SORCS1: variants seen among roughly 807,000 people sequenced by gnomAD.
SORCS1 encodes VPS10 domain-containing receptor SorCS1.
A neutral mutation model predicts 146.1 loss-of-function variants in SORCS1; 60 were observed. The ratio of observed to expected loss-of-function variants is 0.41; its 90% CI spans 0.33 to 0.51. The LOEUF is 0.51. Among genes scored for constraint, SORCS1 ranks in the 20% least tolerant of loss-of-function variants. The pLI is 0.21. For synonymous variants in SORCS1, 637 were observed against 584.0 expected (o/e 1.09, Z -1.31); for missense variants, 1,352 against 1,487.6 (o/e 0.91, Z 1.50).
chr10:106,764,551 CAG>C (rs948915364), intron 4 of SORCS1, among the ~76,000 whole-genome samples: 66 of 152,260 alleles, frequency 4.3e-4, no homozygotes, highest in African/African-American at 1.5e-3. Context: ...TTTTGACTGT[CAG>C]AACACGGAAC....
chr10:107,135,173 T>C (rs527934961), intron 1 of SORCS1, among the ~76,000 whole-genome samples: 1 of 152,324 alleles, frequency 6.6e-6, no homozygotes, highest in Non-Finnish European at 1.5e-5. Context: ...GTAAGATCAT[T>C]AGTTTCTTTT....
At chr10:107,119,044 T>C (rs1233883919) in intron 1 of SORCS1, among the ~76,000 whole-genome samples, 1 of 152,156 alleles carries the variant, frequency 6.6e-6, no homozygotes, top group Non-Finnish European at 1.5e-5. Flanking sequence ...CAGCATCAAC[T>C]AATCTATCCT....
chr10:107,150,075 T>A (rs1377340817), intron 1 of SORCS1, among the ~76,000 whole-genome samples: 1 of 152,222 alleles, frequency 6.6e-6, no homozygotes, highest in Non-Finnish European at 1.5e-5. Context: ...ATGGCTATTA[T>A]GCACTTATCA....
chr10:107,053,181 A>C (rs1159578569), intron 1 of SORCS1, among the ~76,000 whole-genome samples: 2 of 152,168 alleles, frequency 1.3e-5, no homozygotes, highest in Non-Finnish European at 2.9e-5. Context: ...GTCAAATTCT[A>C]TTTAAACTCT....
At chr10:106,781,143 C>T (rs753679046) in intron 3 of SORCS1, among the ~76,000 whole-genome samples, 14 of 152,056 alleles carry the variant, frequency 9.2e-5, no homozygotes, top group South Asian at 2.1e-4. Flanking sequence ...TCGTCTCCTG[C>T]GGGCCTTCTT....
At chr10:106,972,490 T>C (rs1329807701) in intron 1 of SORCS1, among the ~76,000 whole-genome samples, 1 of 152,014 alleles carries the variant, frequency 6.6e-6, no homozygotes, top group African/African-American at 2.4e-5. Context: ...ACATAATCTA[T>C]CCTTCTCAAC....
chr10:106,891,504 C>CTTTTTTTTTTTTTTTTTTTT lies in SORCS1; in HGVS notation c.627-61832_627-61831insAAAAAAAAAAAAAAAAAAAA, dbSNP rs760812204. 4.5e-4 allele frequency among the ~76,000 whole-genome samples: 44 copies of CTTTTTTTTTTTTTTTTTTTT among 97,228 alleles called. 2 individuals carry two copies. The highest frequency in any genetic ancestry group is 8.6e-4 in the East Asian group (3 of 3,484). 63.8% of individuals were successfully genotyped at this position (97,228 alleles called of 152,430 possible). ...GTAATCAGAAGTTTCAATGGGAATT[C>CTTTTTTTTTTTTTTTTTTTT]TTTTTTTTTTTTTGAGAAAAGACCT... On this transcript the variant is annotated intron_variant, in intron 2 of 25. Transcript: ENST00000263054.
intron 9 of SORCS1, among the ~76,000 whole-genome samples, chr10:106,696,658 C>T (rs1853726894): frequency 6.6e-6 from 1 of 152,208 alleles, no homozygotes. Flanking sequence ...ACAAGATTAA[C>T]AAAGCAATGT....
At chr10:106,924,961 A>G (rs1003635113) in intron 2 of SORCS1, among the ~76,000 whole-genome samples, 7 of 152,154 alleles carry the variant, frequency 4.6e-5, no homozygotes. Context: ...CCTCACTCAC[A>G]AGATATATTT....
intron 3 of SORCS1, among the ~76,000 whole-genome samples, chr10:106,814,891 G>C (rs1490429177): frequency 7.4e-6 from 1 of 135,088 alleles, no homozygotes; most frequent in Admixed American, 7.8e-5. Context: ...CTCCAGCCTG[G>C]GCGACAGAGC....
At chr10:106,819,160 G>A (rs1293322148) in intron 3 of SORCS1, among the ~76,000 whole-genome samples, 2 of 152,158 alleles carry the variant, frequency 1.3e-5, no homozygotes, top group African/African-American at 4.8e-5. Context: ...ATGCTTGCTA[G>A]GTCTCAGACA....
chr10:106,633,330 CT>C (rs1225677284), intron 18 of SORCS1, among the ~76,000 whole-genome samples: 1 of 152,008 alleles, frequency 6.6e-6, no homozygotes. Flanking sequence ...ATTCAAATTC[CT>C]TTCCTCTAGC....
intron 1 of SORCS1, among the ~76,000 whole-genome samples, chr10:107,066,006 A>G (rs1166477511): frequency 6.6e-6 from 1 of 152,216 alleles, no homozygotes; most frequent in Non-Finnish European, 1.5e-5. Context: ...TCTCATTCTA[A>G]TAAAAACATA....
intron 12 of SORCS1, among the ~76,000 whole-genome samples, chr10:106,678,411 G>A (rs1162287931): frequency 6.6e-6 from 1 of 152,076 alleles, no homozygotes; most frequent in Non-Finnish European, 1.5e-5. Context: ...ATCTATAGAG[G>A]GTCTGAAGCT....
chr10:107,150,020 C>T (rs1452116726), intron 1 of SORCS1, among the ~76,000 whole-genome samples: 1 of 152,164 alleles, frequency 6.6e-6, no homozygotes, highest in South Asian at 2.1e-4. Flanking sequence ...ATTAGGTGTC[C>T]CCCAGTCATC....
intron 2 of SORCS1, among the ~76,000 whole-genome samples, chr10:106,903,247 C>G (rs1401011579): frequency 6.6e-6 from 1 of 152,128 alleles, no homozygotes; most frequent in Non-Finnish European, 1.5e-5. Context: ...TGGGCATTTG[C>G]TAATTCTAAG....
intron 1 of SORCS1, among the ~76,000 whole-genome samples, chr10:107,017,584 A>G (rs1281106505): frequency 6.6e-6 from 1 of 152,192 alleles, no homozygotes; most frequent in African/African-American, 2.4e-5. Flanking sequence ...GCAGGAACTC[A>G]CTCTCTGATC....
chr10:106,911,816 T>G (rs968658533), intron 2 of SORCS1, among the ~76,000 whole-genome samples: 1 of 151,992 alleles, frequency 6.6e-6, no homozygotes, highest in Non-Finnish European at 1.5e-5. Flanking sequence ...CAGTTTATAT[T>G]AAAAGCTGCT....
chr10:106,600,694 T>C, intron 23 of SORCS1: 1 of 985,468 alleles, frequency 1.0e-6, no homozygotes, highest in South Asian at 4.7e-5. Context: ...GTGTCAGTGC[T>C]GGCATCTTCA....
Sources: allele counts gnomAD v4.1 joint callset (sites outside exome capture counted in the v4.1 genomes callset), GRCh38; gene constraint gnomAD v4.1.1; transcripts MANE v1.5; gene names NCBI Gene and HGNC (gene_info 2026-07-23, HGNC 2026-07-21).